NUGGC: variants seen among roughly 807,000 people sequenced by gnomAD.
The protein encoded by NUGGC is nuclear GTPase, germinal center associated, also known as nuclear GTPase SLIP-GC.
A neutral mutation model predicts 92.6 loss-of-function variants in NUGGC; 58 were observed. That is an observed-to-expected ratio of 0.63 (90% CI 0.51 to 0.78). NUGGC has a LOEUF of 0.78. Among genes scored for constraint, NUGGC ranks in the 30% least tolerant of loss-of-function variants. The probability of loss-of-function intolerance (pLI) is 0.00; values close to 1 mark genes in which losing one functional copy is unlikely to be tolerated. For missense variants in NUGGC, 925 were observed against 964.6 expected (o/e 0.96, Z 0.54); for synonymous variants, 376 against 366.4 (o/e 1.03, Z -0.30).
intron 10 of NUGGC, among the ~76,000 whole-genome samples, chr8:28,050,941 G>T (rs546747665): frequency 6.6e-6 from 1 of 151,922 alleles, no homozygotes; most frequent in South Asian, 2.1e-4. Context: ...ATGTCACTCT[G>T]CCACTGTCTT....
intron 1 of NUGGC, among the ~76,000 whole-genome samples, chr8:28,075,744 A>T (rs1448145357): frequency 6.6e-6 from 1 of 152,222 alleles, no homozygotes; most frequent in Non-Finnish European, 1.5e-5. Flanking sequence ...TGGTTTGCAG[A>T]TATTAACTGA....
At chr8:28,052,075 G>C (rs1810021034) in intron 10 of NUGGC, among the ~76,000 whole-genome samples, 1 of 152,172 alleles carries the variant, frequency 6.6e-6, no homozygotes, top group African/African-American at 2.4e-5. Flanking sequence ...CCCAAATCAG[G>C]CATCTTGGAA....
intron 11 of NUGGC, among the ~76,000 whole-genome samples, chr8:28,045,892 G>A (rs1239805037): frequency 6.6e-6 from 1 of 152,070 alleles, no homozygotes; most frequent in African/African-American, 2.4e-5. Flanking sequence ...TTATTTAGCC[G>A]TATTAAAAAA....
chr8:28,051,149 C>T (rs531260879), intron 10 of NUGGC, among the ~76,000 whole-genome samples: 3 of 152,218 alleles, frequency 2.0e-5, no homozygotes, highest in African/African-American at 4.8e-5. Flanking sequence ...ATGTTATTCT[C>T]GCTAAAAGAA....
intron 1 of NUGGC, among the ~76,000 whole-genome samples, chr8:28,078,393 G>C (rs1051848525): frequency 1.2e-4 from 18 of 152,288 alleles, no homozygotes; most frequent in African/African-American, 4.3e-4. Context: ...TAAACAAATG[G>C]GGGTAGTTTG....
At position 28,060,417 on chromosome 8, in the gene NUGGC, G is replaced by C. The variant is rs1397282530; in HGVS notation, c.1097+9C>G. ...TGGAGCCCACATCCTTGCAAGCCCA[G>C]CACAATACCTTAGGTATTCTGGCAA... On this transcript the variant is annotated intron_variant, in intron 8 of 18. Transcript: ENST00000413272. The C allele has an allele frequency of 2.5e-6, 4 of 1,612,566 alleles. No homozygotes were observed. The highest frequency in any genetic ancestry group is 1.3e-5 in the African/African-American group (1 of 74,896).
chr8:28,066,177 G>A (rs968894141), intron 6 of NUGGC, among the ~76,000 whole-genome samples: 2 of 152,226 alleles, frequency 1.3e-5, no homozygotes, highest in Non-Finnish European at 2.9e-5. Flanking sequence ...TTCAGATAAA[G>A]CAACTAGTTT....
At chr8:28,051,830 G>A (rs1404244003) in intron 10 of NUGGC, among the ~76,000 whole-genome samples, 1 of 152,186 alleles carries the variant, frequency 6.6e-6, no homozygotes, top group East Asian at 1.9e-4. Context: ...GCTGAGGCAG[G>A]AGAATTGCTT....
chr8:28,059,648 A>C (rs1463630856), intron 8 of NUGGC, among the ~76,000 whole-genome samples: 13 of 152,204 alleles, frequency 8.5e-5, no homozygotes, highest in Non-Finnish European at 1.6e-4. Context: ...CATCCTGCAC[A>C]TGTACCCTGG....
rs369949493 is a variant in NUGGC, at chr8:28,053,089, CA to C, written c.1206+2875del. 9.0e-3 allele frequency among the ~76,000 whole-genome samples: 1,299 copies of C among 145,010 alleles called. 22 individuals are homozygous for C. Among genetic ancestry groups the C allele is most frequent in the African/African-American group, 0.031 (1,232 of 39,648 alleles). ...AGTGACTGCCTATCCCACACCCAGCCAAAAAAAAAAGTGATGGAAACTCAAA... is the reference window on the plus strand; with the variant it reads ...AGTGACTGCCTATCCCACACCCAGCCAAAAAAAAAGTGATGGAAACTCAAA... On this transcript the variant is annotated intron_variant, in intron 10 of 18. Transcript: ENST00000413272.
Position 28,031,422 on chromosome 8 carries a change from C to T in NUGGC, c.1770-41G>A, listed in dbSNP as rs762277736. ...ACAAAAAAGTTTAAGAGAATGGTGG[C>T]TGCTGTGAGGCTGAAACAAACACGA... On this transcript the variant is annotated intron_variant, in intron 14 of 18. Transcript: ENST00000413272. 12 of 1,602,062 alleles carry T rather than the reference C, an allele frequency of 7.5e-6. No homozygotes were observed. In the South Asian group the frequency reaches 1.3e-4, roughly 18 times the overall value.
intron 4 of NUGGC, 29 bp from the exon 5 acceptor site, chr8:28,068,467 A>G (rs1380881973): frequency 2.8e-6 from 4 of 1,439,304 alleles, no homozygotes; most frequent in Middle Eastern, 1.9e-4. Flanking sequence ...GCACATTGCC[A>G]TGATCATCAA....
chr8:28,045,734 A>C (rs1809816145), intron 11 of NUGGC, 74 bp from the exon 12 acceptor site: 4 of 1,505,800 alleles, frequency 2.7e-6, no homozygotes, highest in Non-Finnish European at 3.6e-6. Context: ...TAAAAGTTGA[A>C]AGACCAAGGT....
intron 13 of NUGGC, among the ~76,000 whole-genome samples, chr8:28,036,582 T>C (rs1809559417): frequency 6.6e-6 from 1 of 152,214 alleles, no homozygotes; most frequent in Non-Finnish European, 1.5e-5. Flanking sequence ...AACCAAAGGA[T>C]AAGCTCCTCC....
intron 13 of NUGGC, among the ~76,000 whole-genome samples, chr8:28,036,288 C>T (rs748590861): frequency 5.6e-4 from 85 of 152,150 alleles, no homozygotes; most frequent in Non-Finnish European, 1.1e-3. Flanking sequence ...TCTTCTGCTA[C>T]CTCTCAGGCT....
chr8:28,080,008 CT>C (rs1169815942), intron 1 of NUGGC, among the ~76,000 whole-genome samples: 1 of 152,128 alleles, frequency 6.6e-6, no homozygotes, highest in Non-Finnish European at 1.5e-5. Flanking sequence ...GGCACATGAT[CT>C]CAGCTCACTG....
At chr8:28,037,727 T>C (rs1373180502) in intron 13 of NUGGC, among the ~76,000 whole-genome samples, 1 of 152,206 alleles carries the variant, frequency 6.6e-6, no homozygotes, top group Non-Finnish European at 1.5e-5. Context: ...AGAGCTTTGC[T>C]GAGGTTTCTA....
At chr8:28,033,341 G>A (rs1377336) in intron 14 of NUGGC, among the ~76,000 whole-genome samples, 199 bp downstream of exon 14, 30,355 of 152,178 alleles carry the variant, frequency 0.2, 3,147 homozygotes, top group East Asian at 0.26. Context: ...CAGCATCTCA[G>A]TCTGTGTCCA....
Position 28,048,803 on chromosome 8 carries a change from C to T in NUGGC, c.1207-1191G>A, listed in dbSNP as rs148234055. ...GTTTGAACCCGGGAGGTAGAGGTTGCAATGAGCCAAGATCATGCCACTGCA... is the reference window on the plus strand; with the variant it reads ...GTTTGAACCCGGGAGGTAGAGGTTGTAATGAGCCAAGATCATGCCACTGCA... On this transcript the variant is annotated intron_variant, in intron 10 of 18. Transcript: ENST00000413272. Among the ~76,000 whole-genome samples, 1,332 of 142,532 alleles carry T rather than the reference C, an allele frequency of 9.3e-3. 20 individuals are homozygous for T. Among genetic ancestry groups the T allele is most frequent in the African/African-American group, 0.033 (1,248 of 37,998 alleles). The allele number at this position is 142,532 out of a possible 152,430, so 93.5% of individuals were successfully genotyped here.
Sources: gnomAD v4.1 joint callset for allele counts (sites outside exome capture counted in the v4.1 genomes callset) on GRCh38, gnomAD v4.1.1 for gene constraint, MANE v1.5 for transcripts, NCBI Gene and HGNC (gene_info 2026-07-23, HGNC 2026-07-21) for gene names.